The following SHANK2 variants were observed in gnomAD, a reference collection of about 807,000 sequenced individuals.
SHANK2 encodes SH3 and multiple ankyrin repeat domains protein 2.
SHANK2 carries 43 observed loss-of-function variants against 133.7 expected under a neutral mutation model. That is an observed-to-expected ratio of 0.32 (90% confidence interval 0.25 to 0.41). SHANK2 has a LOEUF of 0.41. SHANK2 is among the 10% of genes least tolerant of loss of function. The probability of loss-of-function intolerance (pLI) is 1.00; values close to 1 mark genes in which losing one functional copy is unlikely to be tolerated. For synonymous variants in SHANK2, 1,017 were observed against 952.8 expected (o/e 1.07, Z -1.24); for missense variants, 1,994 against 2,235.8 (o/e 0.89, Z 2.18).
At chr11:70,598,180 C>T (rs2060426777) in intron 17 of SHANK2, among the ~76,000 whole-genome samples, 1 of 152,192 alleles carries the variant, frequency 6.6e-6, no homozygotes, top group African/African-American at 2.4e-5. Context: ...CCGTTTGCAG[C>T]TGCAGGCGAT....
chr11:70,881,191 C>A (rs1263848960), intron 11 of SHANK2, among the ~76,000 whole-genome samples: 1 of 152,146 alleles, frequency 6.6e-6, no homozygotes, highest in African/African-American at 2.4e-5. Flanking sequence ...GCCTGCACCA[C>A]CACGCTTGGC....
At chr11:70,912,475 C>T (rs1392937757) in intron 10 of SHANK2, among the ~76,000 whole-genome samples, 1 of 152,106 alleles carries the variant, frequency 6.6e-6, no homozygotes, top group Non-Finnish European at 1.5e-5. Context: ...CTCAGGAGAT[C>T]TCATAGGTTT....
At chr11:71,083,155 G>A (rs1951324157) in intron 8 of SHANK2, among the ~76,000 whole-genome samples, 1 of 152,104 alleles carries the variant, frequency 6.6e-6, no homozygotes, top group Non-Finnish European at 1.5e-5. Flanking sequence ...TGGCTGGGCT[G>A]GTTTTGAACT....
At chr11:70,476,400 C>CT (rs1186811505) in intron 25 of SHANK2, among the ~76,000 whole-genome samples, 2 of 152,176 alleles carry the variant, frequency 1.3e-5, no homozygotes, top group Non-Finnish European at 2.9e-5. Context: ...CTGCAACCCC[C>CT]CCTTCTCTGG....
intron 9 of SHANK2, among the ~76,000 whole-genome samples, chr11:71,057,592 G>A (rs931520391): frequency 6.6e-6 from 1 of 151,988 alleles, no homozygotes; most frequent in Non-Finnish European, 1.5e-5. Flanking sequence ...CTCTGTTGCC[G>A]AGGCTAGAGT....
intron 17 of SHANK2, among the ~76,000 whole-genome samples, chr11:70,526,709 G>A (rs1318489512): frequency 6.6e-6 from 1 of 152,138 alleles, no homozygotes; most frequent in Non-Finnish European, 1.5e-5. Flanking sequence ...ACAAAATAAA[G>A]TCTCCTTTCG....
intron 11 of SHANK2, among the ~76,000 whole-genome samples, chr11:70,866,248 C>A (rs1021196661): frequency 6.6e-5 from 10 of 152,104 alleles, no homozygotes; most frequent in African/African-American, 2.4e-4. Flanking sequence ...CATCAGAAGG[C>A]AGGGGCAGAG....
chr11:70,863,482 G>GA (rs782204151), intron 11 of SHANK2: 19 of 457,784 alleles, frequency 4.2e-5, no homozygotes, highest in Non-Finnish European at 7.9e-5. Context: ...CACGGATTCT[G>GA]TGGGGGGTTT....
At chr11:71,216,949 C>T (rs565402894) in intron 2 of SHANK2, among the ~76,000 whole-genome samples, 13 of 152,282 alleles carry the variant, frequency 8.5e-5, no homozygotes, top group Admixed American at 2.0e-4. Context: ...GCAATCCCAG[C>T]ACTTTGGGAG....
intron 17 of SHANK2, among the ~76,000 whole-genome samples, chr11:70,528,703 G>A (rs532632460): frequency 1.4e-3 from 206 of 152,016 alleles, no homozygotes; most frequent in African/African-American, 4.9e-3. Flanking sequence ...GGGTCAGCTC[G>A]CCGGCTCCCC....
intron 15 of SHANK2, among the ~76,000 whole-genome samples, chr11:70,663,473 C>T (rs567313329): frequency 9.2e-5 from 14 of 152,266 alleles, no homozygotes; most frequent in East Asian, 5.8e-4. Flanking sequence ...AGCTAGGGAA[C>T]GCGTGCTCTT....
intron 11 of SHANK2, among the ~76,000 whole-genome samples, chr11:70,828,784 G>A (rs1005907436): frequency 2.0e-5 from 3 of 152,200 alleles, no homozygotes; most frequent in Non-Finnish European, 4.4e-5. Context: ...CCGGCTGGTC[G>A]TGTGCTCAGC....
chr11:71,184,093 G>A (rs1407302579), intron 2 of SHANK2, among the ~76,000 whole-genome samples: 4 of 152,110 alleles, frequency 2.6e-5, no homozygotes, highest in Admixed American at 6.5e-5. Flanking sequence ...TGAGATTACC[G>A]ACTGGGCAGA....
At chr11:70,542,339 G>A (rs528774938) in intron 17 of SHANK2, among the ~76,000 whole-genome samples, 14 of 152,282 alleles carry the variant, frequency 9.2e-5, no homozygotes, top group Admixed American at 2.6e-4. Context: ...GCTGTGTGAC[G>A]ACAGAGACAC....
At chr11:70,767,513 C>T (rs1224116642) in intron 14 of SHANK2, among the ~76,000 whole-genome samples, 1 of 152,156 alleles carries the variant, frequency 6.6e-6, no homozygotes, top group Non-Finnish European at 1.5e-5. Context: ...AAAGGAAGCA[C>T]TACTCAGCCT....
intron 2 of SHANK2, among the ~76,000 whole-genome samples, chr11:71,165,102 C>T (rs1357828674): frequency 2.0e-5 from 3 of 150,866 alleles, no homozygotes; most frequent in African/African-American, 4.9e-5. Context: ...GGCACGATCT[C>T]GGTTCATTGC....
chr11:70,836,864 T>C (rs782061769), intron 11 of SHANK2, among the ~76,000 whole-genome samples: 7 of 152,100 alleles, frequency 4.6e-5, no homozygotes, highest in Non-Finnish European at 7.4e-5. Context: ...CATGTCATGG[T>C]ATTTGGAGAT....
At chr11:70,954,594 T>C (rs1950890676) in intron 10 of SHANK2, among the ~76,000 whole-genome samples, 1 of 152,134 alleles carries the variant, frequency 6.6e-6, no homozygotes, top group African/African-American at 2.4e-5. Context: ...ATGGGCTGAG[T>C]CCTCCCCCAG....
intron 11 of SHANK2, among the ~76,000 whole-genome samples, chr11:70,877,271 G>T (rs1012557183): frequency 2.6e-5 from 4 of 152,232 alleles, no homozygotes; most frequent in Non-Finnish European, 5.9e-5. Context: ...CAGGGTCAGG[G>T]CCAGGAGGCC....
Sources: allele counts gnomAD v4.1 joint callset (sites outside exome capture counted in the v4.1 genomes callset), GRCh38; gene constraint gnomAD v4.1.1; transcripts MANE v1.5; gene names NCBI Gene and HGNC (gene_info 2026-07-23, HGNC 2026-07-21).